Variants in RACGAP1 observed in about 807,000 individuals in gnomAD.
RACGAP1 encodes Rac GTPase activating protein 1.
Under a neutral mutation model 78.1 loss-of-function variants are expected in RACGAP1, and 30 were observed. The ratio of observed to expected loss-of-function variants is 0.38; its 90% CI spans 0.29 to 0.52. RACGAP1 has a LOEUF of 0.52. RACGAP1 is among the 20% of genes least tolerant of loss of function. RACGAP1 has a pLI of 0.82. For missense variants in RACGAP1, 587 were observed against 777.1 expected (o/e 0.76, Z 2.91); for synonymous variants, 231 against 264.8 (o/e 0.87, Z 1.24).
upstream of RACGAP1, among the ~76,000 whole-genome samples, chr12:50,033,430 GGACCCCAACAGGGAGGA>G (rs976156645): frequency 1.3e-5 from 2 of 152,146 alleles, no homozygotes; most frequent in African/African-American, 4.8e-5. Context: ...AGGATGAATA[GGACCCCAACAGGGAGGA>G]GGCTGGGGAC....
At chr12:50,004,155 G>A in intron 5 of RACGAP1, 80 bp downstream of exon 5, 3 of 1,522,394 alleles carry the variant, frequency 2.0e-6, no homozygotes, top group African/African-American at 1.4e-5. Flanking sequence ...AGGATGTTCA[G>A]AAGAGAAGAC....
In RACGAP1 at chr12:49,990,035, C is replaced by G. The variant is rs117316129; in HGVS notation, c.*233G>C. On this transcript the variant is annotated 3_prime_UTR_variant, in exon 17 of 17. Coordinates refer to ENST00000312377, the MANE Select transcript of RACGAP1 (RefSeq NM_001319999.2). ...AACCCTTCTACCCCTGGAAAGATGT[C>G]TCATCTAAAAGCTCCCAACAATGAC... 24 of 424,904 alleles carry G rather than the reference C, an allele frequency of 5.6e-5. No homozygotes were observed. The East Asian group carries it at 7.7e-4, about 14-fold the overall frequency. The allele number at this position is 424,904 out of a possible 1,614,324, so 26.3% of individuals were successfully genotyped here. A position where few individuals can be genotyped will look rare whatever the true frequency, so the allele number is the denominator to read the frequency against.
At chr12:50,004,437 T>A in intron 4 of RACGAP1, 133 bp from the exon 5 acceptor site, 1 of 1,366,896 alleles carries the variant, frequency 7.3e-7, no homozygotes, top group South Asian at 1.7e-5. Flanking sequence ...ATAGAGACAA[T>A]TACAATCTCA....
intron 2 of RACGAP1, among the ~76,000 whole-genome samples, chr12:50,014,150 A>AGTTAATG (rs1949515113): frequency 1.3e-5 from 2 of 152,234 alleles, no homozygotes; most frequent in African/African-American, 4.8e-5. Context: ...GTACTATAGA[A>AGTTAATG]ATAAAAAAAG....
At chr12:50,014,658 G>C (rs1949547596) in intron 2 of RACGAP1, among the ~76,000 whole-genome samples, 1 of 151,872 alleles carries the variant, frequency 6.6e-6, no homozygotes, top group African/African-American at 2.4e-5. Context: ...TGCCTCCCCA[G>C]TGATCCTCCC....
upstream of RACGAP1, among the ~76,000 whole-genome samples, chr12:50,028,669 G>A (rs972931992): frequency 1.5e-4 from 23 of 152,222 alleles, no homozygotes; most frequent in African/African-American, 5.3e-4. Context: ...CTACTTGGGA[G>A]GCTGAGGCAG....
rs1197357619 is a variant in RACGAP1 at position 49,991,479 on chromosome 12, A to ATT, written c.1714+517_1714+518dup. On this transcript the variant is annotated intron_variant, in intron 15 of 16. Transcript: ENST00000312377. ...CTATTATATATATATATATATATAT[A>ATT]TTTTTTTTTTTTTTTTTTTTTTTTT... Among the ~76,000 whole-genome samples the ATT allele has an allele frequency of 2.5e-3, 60 of 24,090 alleles. 6 individuals are homozygous for ATT. Among genetic ancestry groups the ATT allele is most frequent in the African/African-American group, 6.6e-3 (47 of 7,098 alleles). The allele number at this position is 24,090 out of a possible 152,430, so 15.8% of individuals were successfully genotyped here. A position where few individuals can be genotyped will look rare whatever the true frequency, so the allele number is the denominator to read the frequency against.
At chr12:50,009,380 G>A (rs1949171673) in intron 2 of RACGAP1, among the ~76,000 whole-genome samples, 1 of 152,020 alleles carries the variant, frequency 6.6e-6, no homozygotes, top group Non-Finnish European at 1.5e-5. Context: ...AACAAATTGA[G>A]GGTGATCTTT....
At chr12:49,991,480 T>TATATATATA (rs1555169073) in intron 15 of RACGAP1, among the ~76,000 whole-genome samples, 74 of 13,132 alleles carry the variant, frequency 5.6e-3, no homozygotes, top group African/African-American at 7.0e-3. Context: ...TATATATATA[T>TATATATATA]TTTTTTTTTT....
intron 8 of RACGAP1, 26 bp downstream of exon 8, chr12:49,999,590 C>A: frequency 6.3e-7 from 1 of 1,587,392 alleles, no homozygotes; most frequent in Non-Finnish European, 8.6e-7. Context: ...TTTACACAGG[C>A]CAGTTTAGTC....
chr12:50,018,401 G>A (rs1469278561), intron 1 of RACGAP1: 1 of 584,906 alleles, frequency 1.7e-6, no homozygotes, highest in Non-Finnish European at 2.7e-6. Context: ...TTATTACAAA[G>A]ATCTTTCTCT....
chr12:50,009,744 C>T (rs1015685027), intron 2 of RACGAP1, among the ~76,000 whole-genome samples: 5 of 152,194 alleles, frequency 3.3e-5, no homozygotes, highest in Admixed American at 1.3e-4. Flanking sequence ...ATAAATACCC[C>T]TCTAGCTAAA....
chr12:50,023,650 T>C (rs7307073), intron 1 of RACGAP1, among the ~76,000 whole-genome samples: 9,383 of 151,932 alleles, frequency 0.062, 993 homozygotes, highest in African/African-American at 0.21. Flanking sequence ...GAAGAATCAT[T>C]TGAACCCGGG....
intron 1 of RACGAP1, among the ~76,000 whole-genome samples, chr12:50,020,464 G>A (rs977529211): frequency 2.6e-5 from 4 of 151,938 alleles, no homozygotes; most frequent in African/African-American, 4.8e-5. Flanking sequence ...GATTACAGGC[G>A]TGAGCCACCA....
chr12:50,014,375 T>G (rs188263177), intron 2 of RACGAP1, among the ~76,000 whole-genome samples: 173 of 152,256 alleles, frequency 1.1e-3, no homozygotes, highest in African/African-American at 4.0e-3. Context: ...TAGCACCTCC[T>G]TTTTCTCCCC....
chr12:50,010,150 T>C (rs557420476), intron 2 of RACGAP1, among the ~76,000 whole-genome samples: 2 of 151,904 alleles, frequency 1.3e-5, no homozygotes, highest in Admixed American at 1.3e-4. Flanking sequence ...ACACCAATGA[T>C]TTTTTTTAAA....
chr12:49,990,379 T>C, intron 16 of RACGAP1, 36 bp from the exon 17 acceptor site: 1 of 1,544,844 alleles, frequency 6.5e-7, no homozygotes, highest in Non-Finnish European at 8.9e-7. Context: ...AAAAATATTC[T>C]ATAAAAAATG....
chr12:50,024,085 C>T (rs576616050), intron 1 of RACGAP1, among the ~76,000 whole-genome samples: 4 of 151,902 alleles, frequency 2.6e-5, no homozygotes, highest in African/African-American at 7.2e-5. Flanking sequence ...GGCGTGAATC[C>T]GGGAGGCGGA....
At position 49,992,533 on chromosome 12, in the gene RACGAP1, G is replaced by A. The variant is rs111819472; in HGVS notation, c.1445+17C>T. On this transcript the variant is annotated intron_variant, in intron 13 of 16. Transcript: ENST00000312377. ...AAAAATTCCCTAACTCCCAGAACAAGTTTCTGCTGTACTCACCTCTGCAAG... is the reference window on the plus strand; with the variant it reads ...AAAAATTCCCTAACTCCCAGAACAAATTTCTGCTGTACTCACCTCTGCAAG... The A allele has an allele frequency of 1.2e-6, 2 of 1,608,056 alleles. No homozygotes were observed. Among genetic ancestry groups the A allele is most frequent in the African/African-American group, 1.3e-5 (1 of 74,648 alleles).
Sources: gnomAD v4.1 joint callset for allele counts (sites outside exome capture counted in the v4.1 genomes callset) on GRCh38, gnomAD v4.1.1 for gene constraint, MANE v1.5 for transcripts, NCBI Gene and HGNC (gene_info 2026-07-23, HGNC 2026-07-21) for gene names.